EPS15L1: variants seen among roughly 807,000 people sequenced by gnomAD.
EPS15L1 encodes epidermal growth factor receptor pathway substrate 15 like 1.
In EPS15L1, 43 loss-of-function variants were observed where a neutral mutation model predicts 117.1. That is an observed-to-expected ratio of 0.37 (90% confidence interval 0.29 to 0.47). The LOEUF is 0.47. Among genes scored for constraint, EPS15L1 ranks in the 20% least tolerant of loss-of-function variants. EPS15L1 has a pLI of 0.99. For synonymous variants in EPS15L1, 459 were observed against 470.5 expected (o/e 0.98, Z 0.32); for missense variants, 981 against 1,164.0 (o/e 0.84, Z 2.29).
In EPS15L1 at chr19:16,391,504, A is replaced by AG. The variant is rs534242106; in HGVS notation, c.2103+799dup. On this transcript the variant is annotated intron_variant, in intron 19 of 23. Coordinates refer to ENST00000455140, the MANE Select transcript of EPS15L1 (RefSeq NM_001258374.3). ...CAGGGTAGCAGGAGCCCTGAGAAGG[A>AG]GGGTGAGTGCCCGTCTCTGAGCAGG... is the stretch of plus-strand genomic sequence containing the variant. Among the ~76,000 whole-genome samples, 55 of 152,034 alleles carry AG rather than the reference A, an allele frequency of 3.6e-4. No homozygotes were observed. The South Asian group carries it at 4.0e-3, about 11-fold the overall frequency.
At chr19:16,420,267 T>G (rs1321322721) in intron 10 of EPS15L1, among the ~76,000 whole-genome samples, 1 of 152,256 alleles carries the variant, frequency 6.6e-6, no homozygotes, top group Non-Finnish European at 1.5e-5. Context: ...CATTTCCATG[T>G]CATTACATCA....
chr19:16,424,323 T>TCCCAC (rs1401331880), intron 9 of EPS15L1, among the ~76,000 whole-genome samples: 1 of 143,598 alleles, frequency 7.0e-6, no homozygotes, highest in African/African-American at 2.5e-5. Flanking sequence ...AGCTATACCC[T>TCCCAC]CCCACCCCAC....
At chr19:16,406,694 C>T (rs192144071) in intron 13 of EPS15L1, among the ~76,000 whole-genome samples, 11 of 152,358 alleles carry the variant, frequency 7.2e-5, no homozygotes, top group Admixed American at 1.3e-4. Flanking sequence ...AGAGAAGTTC[C>T]CTCCTTTACC....
chr19:16,361,582 G>T (rs1464260729), intron 23 of EPS15L1, 197 bp downstream of exon 23: 1 of 1,329,162 alleles, frequency 7.5e-7, no homozygotes, highest in Non-Finnish European at 9.6e-7. Flanking sequence ...CCAAACTGCG[G>T]CTCTTTTTTT....
chr19:16,421,196 G>T, intron 10 of EPS15L1, 123 bp downstream of exon 10: 2 of 1,117,570 alleles, frequency 1.8e-6, no homozygotes, highest in Non-Finnish European at 2.5e-6. Context: ...AATAAAGGAC[G>T]CCAGACACAG....
chr19:16,386,333 T>C (rs1378263432), intron 19 of EPS15L1, 102 bp from the exon 20 acceptor site: 2 of 886,154 alleles, frequency 2.3e-6, no homozygotes, highest in East Asian at 5.4e-5. Flanking sequence ...CATCCAGTGC[T>C]GAGCCAGAGG....
intron 1 of EPS15L1, among the ~76,000 whole-genome samples, chr19:16,442,833 G>A (rs527330180): frequency 6.6e-6 from 1 of 152,258 alleles, no homozygotes; most frequent in South Asian, 2.1e-4. Flanking sequence ...TCCATTTCCC[G>A]ACACCTCAGA....
intron 1 of EPS15L1, among the ~76,000 whole-genome samples, chr19:16,456,780 GCA>G (rs2093201353): frequency 6.6e-6 from 1 of 152,188 alleles, no homozygotes; most frequent in Non-Finnish European, 1.5e-5. Flanking sequence ...GCAGCAGTAG[GCA>G]CAGTGAGGGG....
rs369274991 is a variant in EPS15L1, at chr19:16,392,305, T to C, written c.2102A>G (p.Lys701Arg). 6.8e-5 allele frequency: 110 copies of C among 1,613,832 alleles called. No individual in the cohort carries two copies. Among genetic ancestry groups the C allele is most frequent in the Non-Finnish European group, 9.2e-5 (109 of 1,179,850 alleles). Reference sequence around the variant, plus strand: ...CGGGCAACGTCCCACCCCACTCACCTTCGAAGGTAAGGAAGGGTTTTTCGT... The same window carrying C: ...CGGGCAACGTCCCACCCCACTCACCCTCGAAGGTAAGGAAGGGTTTTTCGT... ...PFTKNPSLPS[K>R]LDPFESSDPF... Residue 701 changes from lysine to arginine, a missense_variant and splice_region_variant, in exon 19 of 24, where the codon AAG becomes AGG. Physicochemically the swap from Lys to Arg is conservative, Grantham distance 26. Coordinates refer to ENST00000455140, the MANE Select transcript of EPS15L1 (RefSeq NM_001258374.3).
At chr19:16,380,476 A>C (rs2092348648) in intron 21 of EPS15L1, among the ~76,000 whole-genome samples, 1 of 152,058 alleles carries the variant, frequency 6.6e-6, no homozygotes, top group Admixed American at 6.5e-5. Context: ...CTAGTCACAC[A>C]GACATGGCCC....
At chr19:16,463,953 G>A (rs950402460) in intron 1 of EPS15L1, among the ~76,000 whole-genome samples, 2 of 152,230 alleles carry the variant, frequency 1.3e-5, no homozygotes, top group Admixed American at 1.3e-4. Flanking sequence ...GATCGCCTGC[G>A]CAGATGACAG....
chr19:16,390,812 A>G (rs190484995), intron 19 of EPS15L1, among the ~76,000 whole-genome samples: 1 of 152,364 alleles, frequency 6.6e-6, no homozygotes, highest in Admixed American at 6.5e-5. Flanking sequence ...CAATGAAGAG[A>G]TAAAGTATTC....
At chr19:16,363,738 G>A (rs2092093563) in intron 22 of EPS15L1, among the ~76,000 whole-genome samples, 1 of 152,182 alleles carries the variant, frequency 6.6e-6, no homozygotes, top group South Asian at 2.1e-4. Flanking sequence ...CTGCACCGCC[G>A]TGCCCAGCAT....
chr19:16,471,790 A>C lies in EPS15L1; in HGVS notation c.33+123T>G. On this transcript the variant is annotated intron_variant, in intron 1 of 23. Transcript: ENST00000455140. The surrounding 1 kb of genome is among the most constrained non-coding windows in gnomAD (Gnocchi z 4.8). ...GCCGCCTGCCCACCCGCCCGCCGCA[A>C]GCCCTTCAGCACGCGCCGCCCCCGC... is the stretch of plus-strand genomic sequence containing the variant. The C allele has an allele frequency of 5.5e-6, 2 of 362,180 alleles. No homozygotes were observed. The highest frequency in any genetic ancestry group is 9.0e-6 in the Non-Finnish European group (2 of 221,994). 22.4% of individuals were successfully genotyped at this position (362,180 alleles called of 1,614,324 possible).
At chr19:16,402,999 C>A (rs1182238890) in intron 15 of EPS15L1, among the ~76,000 whole-genome samples, 1 of 152,204 alleles carries the variant, frequency 6.6e-6, no homozygotes, top group African/African-American at 2.4e-5. Context: ...GGTGGTAAAT[C>A]TCTGAGCGGT....
intron 1 of EPS15L1, among the ~76,000 whole-genome samples, chr19:16,444,012 C>T (rs1202958357): frequency 1.4e-5 from 2 of 141,456 alleles, no homozygotes; most frequent in Admixed American, 7.6e-5. Flanking sequence ...TGCAGTGAGC[C>T]GAGATCGCGC....
Position 16,434,681 on chromosome 19 carries a change from C to T in EPS15L1, c.373-191G>A, listed in dbSNP as rs570989840. 2.2e-5 allele frequency: 12 copies of T among 552,048 alleles called. No homozygotes were observed. In the East Asian group the frequency reaches 3.3e-4, roughly 15 times the overall value. The allele number at this position is 552,048 out of a possible 1,614,324, so 34.2% of individuals were successfully genotyped here. On this transcript the variant is annotated intron_variant, in intron 6 of 23. Transcript: ENST00000455140. ...TGAACATATACCCTGAAGGAAATAACGTTATGGCAACCTCGGATCTGGGAG... is the reference window on the plus strand; with the variant it reads ...TGAACATATACCCTGAAGGAAATAATGTTATGGCAACCTCGGATCTGGGAG...
At chr19:16,412,499 T>TA (rs1371935629) in intron 13 of EPS15L1, among the ~76,000 whole-genome samples, 5 of 148,712 alleles carry the variant, frequency 3.4e-5, no homozygotes, top group Non-Finnish European at 6.0e-5. Context: ...ACTCCATTTT[T>TA]AAAAAAAAAG....
At chr19:16,367,753 C>CAAAAAAAAAAAAAAAAAAAACCAAAAAA (rs60689307) in intron 22 of EPS15L1, among the ~76,000 whole-genome samples, 15 of 50,518 alleles carry the variant, frequency 3.0e-4, no homozygotes, top group East Asian at 5.3e-4. Context: ...GGGTGCAAAG[C>CAAAAAAAAAAAAAAAAAAAACCAAAAAA]AAAAAAAAAA....
Sources: gnomAD v4.1 joint callset for allele counts (sites outside exome capture counted in the v4.1 genomes callset) on GRCh38, gnomAD v4.1.1 for gene constraint, Gnocchi (gnomAD v3.1) non-coding constraint, MANE v1.5 for transcripts, NCBI Gene and HGNC (gene_info 2026-07-23, HGNC 2026-07-21) for gene names.